CTIF: variants seen among roughly 807,000 people sequenced by gnomAD.
CTIF encodes cap binding complex dependent translation initiation factor.
A neutral mutation model predicts 66.0 loss-of-function variants in CTIF; 21 were observed. That is an observed-to-expected ratio of 0.32 (90% confidence interval 0.23 to 0.46). The LOEUF is 0.46. Ranked by LOEUF, CTIF falls within the 20% of genes least tolerant of loss-of-function variation. The pLI is 1.00. For synonymous variants in CTIF, 345 were observed against 326.4 expected (o/e 1.06, Z -0.62); for missense variants, 739 against 812.7 (o/e 0.91, Z 1.10).
Position 48,739,298 on chromosome 18 carries a change from A to G in CTIF, c.585-18621A>G, listed in dbSNP as rs547756719. On this transcript the variant is annotated intron_variant, in intron 7 of 11. Coordinates refer to ENST00000256413, the MANE Select transcript of CTIF (RefSeq NM_014772.3). The stretch of plus-strand genomic sequence containing the variant: ...GGTTATTGAGGGAAACTGGGGTGTC[A>G]GAAGGACAGACCTAACCCCCAAGCT... 9.3e-4 allele frequency among the ~76,000 whole-genome samples: 141 copies of G among 152,362 alleles called. No homozygotes were observed. In the Middle Eastern group the frequency reaches 0.014, roughly 15 times the overall value.
chr18:48,668,217 C>T (rs2144965585), intron 5 of CTIF, among the ~76,000 whole-genome samples: 1 of 152,364 alleles, frequency 6.6e-6, no homozygotes, highest in South Asian at 2.1e-4. Flanking sequence ...TTGGAGTGTG[C>T]TAGGCTGGTG....
chr18:48,773,996 T>C (rs994708737), intron 9 of CTIF, among the ~76,000 whole-genome samples: 2 of 152,048 alleles, frequency 1.3e-5, no homozygotes, highest in African/African-American at 4.8e-5. Flanking sequence ...GGTTCCACCT[T>C]GTCTAGATAA....
intron 3 of CTIF, among the ~76,000 whole-genome samples, chr18:48,644,045 A>G (rs2090981867): frequency 6.6e-6 from 1 of 152,196 alleles, no homozygotes. Flanking sequence ...TCATTGCTCC[A>G]GCTGACGGTT....
intron 7 of CTIF, among the ~76,000 whole-genome samples, chr18:48,725,027 A>C (rs1598930917): frequency 6.6e-6 from 1 of 152,248 alleles, no homozygotes; most frequent in South Asian, 2.1e-4. Context: ...TGAACTTGAA[A>C]CAAAGATGAG....
At chr18:48,741,340 G>A (rs1207939493) in intron 7 of CTIF, among the ~76,000 whole-genome samples, 2 of 148,612 alleles carry the variant, frequency 1.3e-5, no homozygotes, top group African/African-American at 5.0e-5. Flanking sequence ...AAAATACCCA[G>A]GTGCTACCCT....
chr18:48,783,351 C>G (rs1359088585), intron 9 of CTIF, among the ~76,000 whole-genome samples: 1 of 152,138 alleles, frequency 6.6e-6, no homozygotes, highest in African/African-American at 2.4e-5. Context: ...TGCATCCTTC[C>G]TACCATATTG....
chr18:48,747,671 C>T (rs941026471), intron 7 of CTIF, among the ~76,000 whole-genome samples: 12 of 151,752 alleles, frequency 7.9e-5, no homozygotes, highest in Admixed American at 7.9e-4. Flanking sequence ...CTCTGAGAGG[C>T]CAAGGTAGAA....
At position 48,859,997 on chromosome 18, in the gene CTIF, G is replaced by A. The variant is rs749642603; in HGVS notation, c.*438G>A. 1.5e-5 allele frequency: 7 copies of A among 458,858 alleles called. No homozygotes were observed. Among genetic ancestry groups the A allele is most frequent in the South Asian group, 7.7e-5 (5 of 64,518 alleles). 28.4% of individuals were successfully genotyped at this position (458,858 alleles called of 1,614,324 possible). A position where few individuals can be genotyped will look rare whatever the true frequency, so the allele number is the denominator to read the frequency against. On this transcript the variant is annotated 3_prime_UTR_variant, in exon 12 of 12. Transcript: ENST00000256413. ...GAAAAAGTGGGTCGGAGACGGGCTC[G>A]CATTGTTCCCGCATGCTGTCAGCCG...
chr18:48,757,821 G>A, intron 7 of CTIF, 98 bp from the exon 8 acceptor site: 1 of 1,451,744 alleles, frequency 6.9e-7, no homozygotes, highest in East Asian at 2.3e-5. Flanking sequence ...ATGAATATAT[G>A]GACAAGGCAA....
chr18:48,735,643 G>A (rs1433830024), intron 7 of CTIF, among the ~76,000 whole-genome samples: 1 of 152,174 alleles, frequency 6.6e-6, no homozygotes, highest in Non-Finnish European at 1.5e-5. Context: ...GTGTCCAGTG[G>A]AGCCTTGGAT....
intron 9 of CTIF, among the ~76,000 whole-genome samples, chr18:48,787,144 G>A (rs1042217893): frequency 2.0e-5 from 3 of 152,112 alleles, no homozygotes; most frequent in Non-Finnish European, 2.9e-5. Flanking sequence ...GGGAGCAGCT[G>A]TGTGGGGGGC....
intron 1 of CTIF, among the ~76,000 whole-genome samples, chr18:48,610,955 C>T (rs907024824): frequency 2.0e-5 from 3 of 152,148 alleles, no homozygotes. Flanking sequence ...TGATTGTAAC[C>T]CAGAACTGCG....
At chr18:48,677,711 G>T (rs567557458) in intron 6 of CTIF, among the ~76,000 whole-genome samples, 2 of 152,080 alleles carry the variant, frequency 1.3e-5, no homozygotes, top group Non-Finnish European at 2.9e-5. Context: ...AGCGCCTGTC[G>T]CATGTTTGCT....
rs989175974 is a variant in CTIF, at chr18:48,761,361, G to A, written c.1072-29G>A. The A allele has an allele frequency of 1.9e-6, 3 of 1,604,054 alleles. No homozygotes were observed. The highest frequency in any genetic ancestry group is 2.6e-6 in the Non-Finnish European group (3 of 1,173,928). ...GCACAGAGACCTCGGCTTCACTCAG[G>A]CACATTCATTTGTCTCCGACACCCC... On this transcript the variant is annotated intron_variant, in intron 8 of 11. Transcript: ENST00000256413. This position sits in a 1 kb window ranked among gnomAD's most constrained non-coding sequence, Gnocchi z 4.2.
chr18:48,633,657 G>T (rs1440268472), intron 2 of CTIF, among the ~76,000 whole-genome samples: 7 of 151,766 alleles, frequency 4.6e-5, no homozygotes, highest in Non-Finnish European at 8.8e-5. Context: ...AACCAAGATT[G>T]CGCCACTGCA....
chr18:48,740,517 G>T (rs1472135359), intron 7 of CTIF, among the ~76,000 whole-genome samples: 17 of 152,238 alleles, frequency 1.1e-4, no homozygotes, highest in Non-Finnish European at 5.9e-5. Flanking sequence ...CACCCAGGCT[G>T]CAAGTCCCAG....
intron 1 of CTIF, among the ~76,000 whole-genome samples, chr18:48,582,276 C>T (rs1315923383): frequency 6.6e-6 from 1 of 151,886 alleles, no homozygotes; most frequent in East Asian, 1.9e-4. Flanking sequence ...GAGAAGCTGG[C>T]TTCCATGGGG....
chr18:48,753,859 C>T (rs1164678915), intron 7 of CTIF, among the ~76,000 whole-genome samples: 4 of 152,196 alleles, frequency 2.6e-5, no homozygotes, highest in African/African-American at 9.7e-5. Context: ...GGAGCAAAAG[C>T]GGCTCATCCC....
At chr18:48,808,947 A>G (rs997526726) in intron 9 of CTIF, among the ~76,000 whole-genome samples, 1 of 152,166 alleles carries the variant, frequency 6.6e-6, no homozygotes, top group African/African-American at 2.4e-5. Flanking sequence ...TGGAGTACAG[A>G]TTGATATTAA....
Sources: gnomAD v4.1 joint callset for allele counts (sites outside exome capture counted in the v4.1 genomes callset) on GRCh38, gnomAD v4.1.1 for gene constraint, Gnocchi (gnomAD v3.1) non-coding constraint, MANE v1.5 for transcripts, NCBI Gene and HGNC (gene_info 2026-07-23, HGNC 2026-07-21) for gene names.